AGBL4: variants seen among roughly 807,000 people sequenced by gnomAD.
The protein encoded by AGBL4 is AGBL carboxypeptidase 4.
AGBL4 carries 58 observed loss-of-function variants against 66.4 expected under a neutral mutation model. The observed-to-expected ratio is 0.87, with a 90% CI of 0.71 to 1.09. AGBL4 has a LOEUF of 1.09. Among genes scored for constraint, AGBL4 ranks in the 50% least tolerant of loss-of-function variants. AGBL4 has a pLI of 0.00. For synonymous variants in AGBL4, 234 were observed against 222.9 expected, an observed-to-expected ratio of 1.05 and a Z score of -0.44; for missense variants, 579 against 631.0, an observed-to-expected ratio of 0.92 and a Z score of 0.88.
chr1:48,904,742 C>A (rs999638837), intron 5 of AGBL4, among the ~76,000 whole-genome samples: 3 of 152,106 alleles, frequency 2.0e-5, no homozygotes, highest in African/African-American at 7.2e-5. Context: ...AATTATTGAA[C>A]AATATTAGCA....
At chr1:50,020,821 A>C (rs1341105626) in intron 1 of AGBL4, among the ~76,000 whole-genome samples, 2 of 152,224 alleles carry the variant, frequency 1.3e-5, no homozygotes, top group Non-Finnish European at 2.9e-5. Context: ...TGCGTGGTAC[A>C]AAATAAACAC....
chr1:49,266,515 AAC>A (rs1643922113), intron 3 of AGBL4, among the ~76,000 whole-genome samples: 2 of 152,114 alleles, frequency 1.3e-5, no homozygotes, highest in Admixed American at 6.6e-5. Flanking sequence ...TTATTAAATA[AAC>A]AGTTATGGGT....
Position 48,884,370 on chromosome 1 carries a change from T to C in AGBL4, c.595-17140A>G, listed in dbSNP as rs529843387. Reference sequence around the variant, plus strand: ...CAGACCAAGGATTCAAACCCAAGTCTCACTGGTTCGAGAGCCTGGACTTTT... The same window carrying C: ...CAGACCAAGGATTCAAACCCAAGTCCCACTGGTTCGAGAGCCTGGACTTTT... On this transcript the variant is annotated intron_variant, in intron 5 of 13. Transcript: ENST00000371839. Among the ~76,000 whole-genome samples, 1,213 of 150,142 alleles carry C rather than the reference T, an allele frequency of 8.1e-3. 17 individuals are homozygous for C. The highest frequency in any genetic ancestry group is 0.023 in the African/African-American group (953 of 41,312).
chr1:49,622,461 C>T (rs1211780039), intron 3 of AGBL4, among the ~76,000 whole-genome samples: 2 of 150,860 alleles, frequency 1.3e-5, no homozygotes, highest in Middle Eastern at 3.2e-3. Flanking sequence ...AACCCCGTCT[C>T]TACTAAAAAT....
Position 49,665,338 on chromosome 1 carries a change from G to A in AGBL4, c.282+31975C>T, listed in dbSNP as rs367681606. On this transcript the variant is annotated intron_variant, in intron 3 of 13. Transcript: ENST00000371839. ...ATTTTTGGTATCCAATTCCAACACA[G>A]GATCTGGCAACAGACAGTCCTGGGC... is the stretch of plus-strand genomic sequence containing the variant. 3.4e-4 allele frequency among the ~76,000 whole-genome samples: 52 copies of A among 152,190 alleles called. 1 individual carries two copies. In the South Asian group the frequency reaches 9.5e-3, roughly 28 times the overall value.
chr1:49,763,938 C>A (rs888699162), intron 2 of AGBL4, among the ~76,000 whole-genome samples: 2 of 152,184 alleles, frequency 1.3e-5, no homozygotes, highest in African/African-American at 4.8e-5. Flanking sequence ...GCCCCTGCTA[C>A]TTCTTGTCAT....
chr1:49,345,118 G>A (rs1255502073), intron 3 of AGBL4, among the ~76,000 whole-genome samples: 3 of 152,044 alleles, frequency 2.0e-5, no homozygotes, highest in Non-Finnish European at 4.4e-5. Flanking sequence ...TTGGTATATT[G>A]AAATAATAAG....
chr1:49,652,696 C>T (rs777845494), intron 3 of AGBL4, among the ~76,000 whole-genome samples: 19 of 152,122 alleles, frequency 1.2e-4, no homozygotes, highest in Non-Finnish European at 1.9e-4. Flanking sequence ...TTCCCCACAG[C>T]GCAGCACAGC....
intron 4 of AGBL4, among the ~76,000 whole-genome samples, chr1:49,090,513 G>A (rs1644983978): frequency 6.6e-6 from 1 of 152,024 alleles, no homozygotes; most frequent in African/African-American, 2.4e-5. Context: ...AAAATACCTA[G>A]GAATATAGCT....
intron 6 of AGBL4, among the ~76,000 whole-genome samples, chr1:48,774,804 T>C (rs1240798521): frequency 2.0e-5 from 3 of 152,318 alleles, no homozygotes; most frequent in Non-Finnish European, 4.4e-5. Flanking sequence ...AGTGTATATG[T>C]ATGTTTGCTG....
intron 2 of AGBL4, chr1:49,846,355 A>C (rs1156468823): frequency 6.5e-7 from 1 of 1,541,240 alleles, no homozygotes; most frequent in African/African-American, 1.4e-5. Flanking sequence ...AGACCTTTAC[A>C]CACAGCACCT....
chr1:49,993,021 G>A (rs759988049), intron 1 of AGBL4, among the ~76,000 whole-genome samples: 3 of 152,016 alleles, frequency 2.0e-5, no homozygotes, highest in African/African-American at 4.8e-5. Context: ...ATTCAAAAAC[G>A]CTTTCTCTTT....
chr1:49,087,120 A>G (rs951494335), intron 4 of AGBL4, among the ~76,000 whole-genome samples: 2 of 152,266 alleles, frequency 1.3e-5, no homozygotes, highest in South Asian at 2.1e-4. Context: ...CTGAGGGAAC[A>G]TCAGCCCACA....
At chr1:49,561,644 T>G (rs1464724899) in intron 3 of AGBL4, among the ~76,000 whole-genome samples, 1 of 152,114 alleles carries the variant, frequency 6.6e-6, no homozygotes, top group Admixed American at 6.6e-5. Flanking sequence ...AACTCATCAT[T>G]TTTTATGGCT....
chr1:49,262,787 C>T (rs1339758209), intron 3 of AGBL4, among the ~76,000 whole-genome samples: 1 of 152,156 alleles, frequency 6.6e-6, no homozygotes, highest in Non-Finnish European at 1.5e-5. Flanking sequence ...CCATTTAACC[C>T]AGCCATCCCA....
At chr1:49,626,639 C>G (rs1571203312) in intron 3 of AGBL4, among the ~76,000 whole-genome samples, 2 of 151,414 alleles carry the variant, frequency 1.3e-5, no homozygotes, top group East Asian at 3.9e-4. Context: ...GCCAGTTGGT[C>G]TACTCTGAGA....
At chr1:49,350,450 G>A (rs796373773) in intron 3 of AGBL4, among the ~76,000 whole-genome samples, 2 of 151,926 alleles carry the variant, frequency 1.3e-5, no homozygotes, top group East Asian at 1.9e-4. Context: ...TGATCCGCCC[G>A]CCTCGGCCTC....
intron 5 of AGBL4, among the ~76,000 whole-genome samples, chr1:48,996,859 C>CCTTCCT (rs1401908337): frequency 6.6e-6 from 1 of 151,722 alleles, no homozygotes; most frequent in African/African-American, 2.4e-5. Context: ...TCCTTCCTGT[C>CCTTCCT]TACTTATCTA....
At position 48,565,291 on chromosome 1, in the gene AGBL4, C is replaced by T. The variant is rs1028316822; in HGVS notation, c.1267+21713G>A. 7.9e-5 allele frequency among the ~76,000 whole-genome samples: 12 copies of T among 152,098 alleles called. No homozygotes were observed. In the South Asian group the frequency reaches 2.3e-3, roughly 29 times the overall value. ...AATGGCTGGACTCCCAGAGTCCAGC[C>T]GAGGGCCCTATTAGCAGTAAGAAAT... On this transcript the variant is annotated intron_variant, in intron 11 of 13. Coordinates refer to ENST00000371839, the MANE Select transcript of AGBL4 (RefSeq NM_032785.4).
Sources: allele counts gnomAD v4.1 joint callset (sites outside exome capture counted in the v4.1 genomes callset), GRCh38; gene constraint gnomAD v4.1.1; transcripts MANE v1.5; gene names NCBI Gene and HGNC (gene_info 2026-07-23, HGNC 2026-07-21).